The following UBR2 variants were observed in gnomAD, a reference collection of about 807,000 sequenced individuals.
The protein encoded by UBR2 is ubiquitin protein ligase E3 component n-recognin 2, also known as E3 ubiquitin-protein ligase UBR2.
A neutral mutation model predicts 247.9 loss-of-function variants in UBR2; 92 were observed. The ratio of observed to expected loss-of-function variants is 0.37; its 90% CI spans 0.31 to 0.44. The LOEUF (loss-of-function observed/expected upper bound fraction) is 0.44, where lower values mean the gene tolerates loss of function less well. Among genes scored for constraint, UBR2 ranks in the 20% least tolerant of loss-of-function variants. UBR2 has a pLI of 1.00. For synonymous variants in UBR2, 672 were observed against 693.5 expected (o/e 0.97, Z 0.49); for missense variants, 1,613 against 2,112.6 (o/e 0.76, Z 4.64).
At chr6:42,580,547 A>AT (rs35507530) in intron 2 of UBR2, among the ~76,000 whole-genome samples, 2,357 of 148,896 alleles carry the variant, frequency 0.016, 55 homozygotes, top group African/African-American at 0.052. Flanking sequence ...TTAATTGTAC[A>AT]TTTTTTTTTT....
At chr6:42,567,565 C>T (rs1007232515) in intron 1 of UBR2, among the ~76,000 whole-genome samples, 3 of 152,096 alleles carry the variant, frequency 2.0e-5, no homozygotes, top group Admixed American at 6.6e-5. Flanking sequence ...CCTGTCTCTA[C>T]TAAAAATACA....
intron 2 of UBR2, among the ~76,000 whole-genome samples, chr6:42,583,882 G>A (rs1792077574): frequency 6.6e-6 from 1 of 151,822 alleles, no homozygotes; most frequent in Non-Finnish European, 1.5e-5. Context: ...CTGGGCCTAT[G>A]ATCTGTCTCA....
intron 14 of UBR2, 27 bp downstream of exon 14, chr6:42,635,573 A>G (rs756416272): frequency 4.4e-6 from 7 of 1,590,230 alleles, no homozygotes; most frequent in Non-Finnish European, 5.2e-6. Context: ...TGCGGGGAAT[A>G]GGAGGAAAGT....
intron 2 of UBR2, among the ~76,000 whole-genome samples, chr6:42,580,041 A>AG (rs1791778521): frequency 1.2e-5 from 1 of 84,866 alleles, no homozygotes; most frequent in African/African-American, 5.4e-5. Flanking sequence ...GGAGATTTCT[A>AG]GGTTTTTTTT....
intron 35 of UBR2, 124 bp downstream of exon 35, chr6:42,670,364 C>A: frequency 8.0e-7 from 1 of 1,257,552 alleles, no homozygotes; most frequent in Non-Finnish European, 1.1e-6. Context: ...AATAAAAAGA[C>A]TTAGAAGCAA....
intron 7 of UBR2, among the ~76,000 whole-genome samples, chr6:42,609,864 C>T (rs1206715234): frequency 6.7e-6 from 1 of 150,320 alleles, no homozygotes; most frequent in African/African-American, 2.5e-5. Context: ...CCATTGCATT[C>T]CAGCCTGGGC....
Position 42,564,223 on chromosome 6 carries a change from A to T in UBR2, c.-97A>T, listed in dbSNP as rs1790640596. 7.1e-6 allele frequency: 10 copies of T among 1,415,592 alleles called. No individual in the cohort carries two copies. Among genetic ancestry groups the T allele is most frequent in the Non-Finnish European group, 9.7e-6 (10 of 1,030,094 alleles). The allele number at this position is 1,415,592 out of a possible 1,614,324, so 87.7% of individuals were successfully genotyped here. A position where few individuals can be genotyped will look rare whatever the true frequency, so the allele number is the denominator to read the frequency against. On this transcript the variant is annotated 5_prime_UTR_variant, in exon 1 of 47. Coordinates refer to ENST00000372901, the MANE Select transcript of UBR2 (RefSeq NM_001363705.2). The stretch of plus-strand genomic sequence containing the variant: ...AGCCACTTGGACGGCTCCGGGACTG[A>T]TTGCCTGGGGCAGGGGTGGCAGTCG...
intron 2 of UBR2, among the ~76,000 whole-genome samples, chr6:42,583,084 T>C (rs1368638761): frequency 4.6e-5 from 7 of 152,162 alleles, no homozygotes; most frequent in Non-Finnish European, 1.0e-4. Context: ...TTGTGACTAT[T>C]TTCTCCTAGG....
At chr6:42,690,586 TTTC>T (rs1157763941) in intron 46 of UBR2, among the ~76,000 whole-genome samples, 1 of 152,144 alleles carries the variant, frequency 6.6e-6, no homozygotes, top group African/African-American at 2.4e-5. Flanking sequence ...GAGGAATGTT[TTTC>T]TTTTCTTTTC....
intron 16 of UBR2, among the ~76,000 whole-genome samples, chr6:42,640,686 C>A (rs1205379716): frequency 1.3e-5 from 2 of 151,982 alleles, no homozygotes; most frequent in African/African-American, 4.8e-5. Flanking sequence ...GAAGCCCACC[C>A]ATGTTTGGAG....
chr6:42,653,606 CTTTTTTTT>C (rs72460060), intron 25 of UBR2, among the ~76,000 whole-genome samples: 2 of 50,582 alleles, frequency 4.0e-5, no homozygotes, highest in African/African-American at 1.8e-4. Context: ...ATGCTAAGCC[CTTTTTTTT>C]TTTTTTTTTT....
intron 18 of UBR2, among the ~76,000 whole-genome samples, chr6:42,643,191 C>T (rs1448925734): frequency 6.6e-6 from 1 of 152,164 alleles, no homozygotes; most frequent in Non-Finnish European, 1.5e-5. Context: ...CCCCACCCCA[C>T]CAAACCATGG....
intron 34 of UBR2, among the ~76,000 whole-genome samples, chr6:42,669,290 C>G (rs1209901783): frequency 1.3e-5 from 2 of 152,160 alleles, no homozygotes; most frequent in African/African-American, 2.4e-5. Context: ...CCGAAATTTT[C>G]TATGATATTT....
At chr6:42,613,699 A>T (rs1794236027) in intron 8 of UBR2, among the ~76,000 whole-genome samples, 1 of 152,160 alleles carries the variant, frequency 6.6e-6, no homozygotes, top group African/African-American at 2.4e-5. Context: ...AATGGAAGTA[A>T]TGTCCTGCTG....
chr6:42,652,563 T>G lies in UBR2; in HGVS notation c.2687T>G (p.Val896Gly). The stretch of plus-strand genomic sequence containing the variant: ...CTGGTTAACATTTTGCAGTCAGATG[T>G]CATGTTGTGCATCATGGGAACAATT... ...ASLVNILQSD[V>G]MLCIMGTILQ... is the part of the protein sequence containing the mutation. The change falls in exon 25 of 47, where the codon GTC becomes GGC. Residue 896 changes from valine (V) to glycine (G), a missense_variant. By Grantham distance (109) the Val-to-Gly change is moderately radical (BLOSUM62 -3). Transcript: ENST00000372901. The G allele has an allele frequency of 2.5e-6, 4 of 1,613,748 alleles. No homozygotes were observed. The highest frequency in any genetic ancestry group is 2.5e-6 in the Non-Finnish European group (3 of 1,179,970).
intron 6 of UBR2, among the ~76,000 whole-genome samples, chr6:42,606,187 G>C (rs968237350): frequency 1.7e-4 from 26 of 151,670 alleles, no homozygotes; most frequent in Non-Finnish European, 3.4e-4. Context: ...AGGTTGCAGT[G>C]AGCCGAGATT....
chr6:42,678,208 C>T (rs1317139280), intron 40 of UBR2, among the ~76,000 whole-genome samples: 7 of 152,038 alleles, frequency 4.6e-5, no homozygotes, highest in Admixed American at 4.6e-4. Context: ...TGGTGGCAGG[C>T]ACCTGTAGTC....
intron 1 of UBR2, 65 bp downstream of exon 1, chr6:42,564,462 A>C (rs928763878): frequency 6.5e-6 from 10 of 1,543,124 alleles, no homozygotes; most frequent in Non-Finnish European, 8.8e-6. Flanking sequence ...GGAGGAACCG[A>C]CTCCTGGACG....
At chr6:42,568,814 T>C (rs1458752702) in intron 1 of UBR2, among the ~76,000 whole-genome samples, 1 of 152,156 alleles carries the variant, frequency 6.6e-6, no homozygotes, top group Non-Finnish European at 1.5e-5. Flanking sequence ...CCAGAAGTGT[T>C]TTGGATTTTG....
Sources: gnomAD v4.1 joint callset for allele counts (sites outside exome capture counted in the v4.1 genomes callset) on GRCh38, gnomAD v4.1.1 for gene constraint, MANE v1.5 for transcripts, NCBI Gene and HGNC (gene_info 2026-07-23, HGNC 2026-07-21) for gene names.